PELI2: variants seen among roughly 807,000 people sequenced by gnomAD.
PELI2 encodes the protein E3 ubiquitin-protein ligase pellino homolog 2.
A neutral mutation model predicts 42.3 loss-of-function variants in PELI2; 23 were observed. That is an observed-to-expected ratio of 0.54 (90% confidence interval 0.39 to 0.77). The LOEUF (loss-of-function observed/expected upper bound fraction) is 0.77, where lower values mean the gene tolerates loss of function less well. PELI2 is among the 30% of genes least tolerant of loss of function. PELI2 has a pLI of 0.00. For synonymous variants in PELI2, 245 were observed against 212.2 expected, an observed-to-expected ratio of 1.15 and a Z score of -1.34; for missense variants, 463 against 553.2, an observed-to-expected ratio of 0.84 and a Z score of 1.64.
chr14:56,276,955 T>A (rs1222241973), intron 2 of PELI2, among the ~76,000 whole-genome samples: 1 of 152,214 alleles, frequency 6.6e-6, no homozygotes, highest in Non-Finnish European at 1.5e-5. Flanking sequence ...GTGGGCAGTT[T>A]CCAGGTAATG....
chr14:56,231,881 AAG>A (rs1887587187), intron 2 of PELI2, among the ~76,000 whole-genome samples: 2 of 152,134 alleles, frequency 1.3e-5, no homozygotes, highest in Non-Finnish European at 2.9e-5. Context: ...TAAAGAAGAA[AAG>A]AGAGAAGAAT....
At chr14:56,207,354 C>G (rs1886555959) in intron 2 of PELI2, among the ~76,000 whole-genome samples, 1 of 151,994 alleles carries the variant, frequency 6.6e-6, no homozygotes, top group African/African-American at 2.4e-5. Flanking sequence ...TTTAATTGCT[C>G]CAACAGATAT....
intron 3 of PELI2, among the ~76,000 whole-genome samples, chr14:56,285,527 G>A (rs979658477): frequency 1.3e-5 from 2 of 152,086 alleles, no homozygotes; most frequent in African/African-American, 4.8e-5. Context: ...TACTATTTAG[G>A]GAGAGAACAG....
rs527931777 is a variant in PELI2, at chr14:56,178,543, C to A, written c.207+79C>A. On this transcript the variant is annotated intron_variant, in intron 2 of 5. Coordinates refer to ENST00000267460, the MANE Select transcript of PELI2 (RefSeq NM_021255.3). Reference sequence around the variant, plus strand: ...TACTCCTTGTCCGCTGCTCTCTTTCCTTTCGTCTTTTCATGTAGGACAGTC... The same window carrying A: ...TACTCCTTGTCCGCTGCTCTCTTTCATTTCGTCTTTTCATGTAGGACAGTC... 35 of 1,502,320 alleles carry A rather than the reference C, an allele frequency of 2.3e-5. No individual in the cohort carries two copies. In the South Asian group the frequency reaches 3.7e-4, roughly 16 times the overall value. 93.1% of individuals were successfully genotyped at this position (1,502,320 alleles called of 1,614,324 possible). A position where few individuals can be genotyped will look rare whatever the true frequency, so the allele number is the denominator to read the frequency against.
chr14:56,155,785 A>G (rs1884542761), intron 1 of PELI2, among the ~76,000 whole-genome samples: 1 of 151,776 alleles, frequency 6.6e-6, no homozygotes, highest in Admixed American at 6.6e-5. Context: ...GGGTTTCATC[A>G]TGTTAGCCAG....
chr14:56,119,657 A>T, intron 1 of PELI2: 3 of 451,274 alleles, frequency 6.6e-6, no homozygotes, highest in Non-Finnish European at 8.8e-6. Flanking sequence ...GCCAGGAGAG[A>T]GGCTTTGCGG....
chr14:56,277,818 T>C (rs1222473217), intron 2 of PELI2, among the ~76,000 whole-genome samples: 1 of 152,236 alleles, frequency 6.6e-6, no homozygotes, highest in Non-Finnish European at 1.5e-5. Flanking sequence ...TAAGCTGTTT[T>C]AAGCATGAGC....
In PELI2 at chr14:56,299,712, C is replaced by CT. The variant is rs1292511039; in HGVS notation, c.*2553dup. ...AAAAGTAATTTCTCCAAGGTCACTTCTTTTTTTATGTCTTGCCATCACTTT... is the reference window on the plus strand; with the variant it reads ...AAAAGTAATTTCTCCAAGGTCACTTCTTTTTTTTATGTCTTGCCATCACTTT... On this transcript the variant is annotated 3_prime_UTR_variant, in exon 6 of 6. Coordinates refer to ENST00000267460, the MANE Select transcript of PELI2 (RefSeq NM_021255.3). The CT allele has an allele frequency of 5.3e-5, 8 of 152,140 alleles. No homozygotes were observed. Among genetic ancestry groups the CT allele is most frequent in the African/African-American group, 1.9e-4 (8 of 41,422 alleles). The allele number at this position is 152,140 out of a possible 1,614,324, so 9.4% of individuals were successfully genotyped here.
chr14:56,290,256 T>C lies in PELI2; in HGVS notation c.508-12T>C, dbSNP rs776709091. On this transcript the variant is annotated splice_polypyrimidine_tract_variant and intron_variant, in intron 4 of 5. Transcript: ENST00000267460. ...TTAACCTACTTTTTCTGTTCTGCTG[T>C]GTTCTCTCCAGGAAAAGGCAGCAAA... 12 of 1,548,062 alleles carry C rather than the reference T, an allele frequency of 7.8e-6. No individual in the cohort carries two copies. The highest frequency in any genetic ancestry group is 1.1e-5 in the Non-Finnish European group (12 of 1,139,514).
chr14:56,207,288 C>T (rs1886551903), intron 2 of PELI2, among the ~76,000 whole-genome samples: 1 of 152,138 alleles, frequency 6.6e-6, no homozygotes, highest in Non-Finnish European at 1.5e-5. Context: ...ATCAGAACAG[C>T]TTCTGCTATT....
chr14:56,193,547 C>A (rs1594626524), intron 2 of PELI2, among the ~76,000 whole-genome samples: 1 of 152,084 alleles, frequency 6.6e-6, no homozygotes, highest in Non-Finnish European at 1.5e-5. Flanking sequence ...AAGCTGCAAG[C>A]AAATACTTAG....
intron 2 of PELI2, among the ~76,000 whole-genome samples, chr14:56,194,097 A>ACTTGTACGT (rs1437771878): frequency 6.6e-6 from 1 of 152,102 alleles, no homozygotes; most frequent in African/African-American, 2.4e-5. Context: ...AACTTTATGG[A>ACTTGTACGT]CTTGTACGTC....
At chr14:56,227,177 G>A (rs1176018052) in intron 2 of PELI2, among the ~76,000 whole-genome samples, 1 of 152,240 alleles carries the variant, frequency 6.6e-6, no homozygotes, top group African/African-American at 2.4e-5. Context: ...CCTGGGCAAG[G>A]TAACTGTGTG....
chr14:56,130,613 A>T (rs763365393), intron 1 of PELI2, among the ~76,000 whole-genome samples: 1 of 152,112 alleles, frequency 6.6e-6, no homozygotes, highest in African/African-American at 2.4e-5. Flanking sequence ...CTTTGCCCAC[A>T]TAAGTATTGT....
At chr14:56,186,095 G>A (rs1031488165) in intron 2 of PELI2, among the ~76,000 whole-genome samples, 1 of 152,134 alleles carries the variant, frequency 6.6e-6, no homozygotes, top group Non-Finnish European at 1.5e-5. Context: ...AATAGTGAAA[G>A]GGGAATGGAG....
intron 2 of PELI2, among the ~76,000 whole-genome samples, chr14:56,237,431 T>G (rs1887837740): frequency 6.6e-6 from 1 of 152,108 alleles, no homozygotes; most frequent in African/African-American, 2.4e-5. Context: ...CAACTCTAAT[T>G]TTTAGATCTT....
At chr14:56,146,234 C>A (rs1033345497) in intron 1 of PELI2, among the ~76,000 whole-genome samples, 1 of 152,150 alleles carries the variant, frequency 6.6e-6, no homozygotes, top group Non-Finnish European at 1.5e-5. Flanking sequence ...CCAAATGCAT[C>A]ATCTGTGTGG....
chr14:56,187,766 T>C (rs1178860321), intron 2 of PELI2, among the ~76,000 whole-genome samples: 1 of 152,182 alleles, frequency 6.6e-6, no homozygotes, highest in African/African-American at 2.4e-5. Flanking sequence ...AATGAGTGGC[T>C]TCAGGAAGAT....
chr14:56,233,709 A>G (rs1220966857), intron 2 of PELI2, among the ~76,000 whole-genome samples: 3 of 152,200 alleles, frequency 2.0e-5, no homozygotes, highest in Admixed American at 6.5e-5. Flanking sequence ...GGACTTCATG[A>G]CTGTAATACC....
Sources: allele counts gnomAD v4.1 joint callset (sites outside exome capture counted in the v4.1 genomes callset), GRCh38; gene constraint gnomAD v4.1.1; transcripts MANE v1.5; gene names NCBI Gene and HGNC (gene_info 2026-07-23, HGNC 2026-07-21).